The following KLHL13 variants were observed in gnomAD, a reference collection of about 807,000 sequenced individuals.
KLHL13 encodes kelch-like protein 13.
Under a neutral mutation model 37.1 loss-of-function variants are expected in KLHL13, and 10 were observed. The ratio of observed to expected loss-of-function variants is 0.27; its 90% confidence interval spans 0.17 to 0.46. The LOEUF (loss-of-function observed/expected upper bound fraction) is 0.46, where lower values mean the gene tolerates loss of function less well. Among genes scored for constraint, KLHL13 ranks in the 20% least tolerant of loss-of-function variants. The pLI, the probability that KLHL13 is intolerant of heterozygous loss-of-function variation, is 1.00. For synonymous variants in KLHL13, 163 were observed against 181.2 expected, an observed-to-expected ratio of 0.90 and a Z score of 0.81; for missense variants, 360 against 509.3, an observed-to-expected ratio of 0.71 and a Z score of 2.82.
chrX:118,109,634 C>T (rs939496747), intron 1 of KLHL13, among the ~76,000 whole-genome samples: 1 of 112,350 alleles, frequency 8.9e-6, no homozygotes, highest in East Asian at 2.8e-4. Flanking sequence ...GGGAGCACCA[C>T]CTTGTCACCA....
intron 1 of KLHL13, among the ~76,000 whole-genome samples, chrX:118,050,008 T>C (rs1437802654): frequency 1.8e-5 from 2 of 112,714 alleles, no homozygotes; most frequent in Admixed American, 1.9e-4. Flanking sequence ...CCATACACCA[T>C]GCAGTTCCAC....
At chrX:118,079,429 C>A (rs113714517) in intron 1 of KLHL13, among the ~76,000 whole-genome samples, 4,484 of 110,737 alleles carry the variant, frequency 0.04, 229 homozygotes, top group African/African-American at 0.14. Context: ...AACTGATAAA[C>A]CATTTTAGCA....
At chrX:117,904,046 C>T (rs1930334086) in intron 5 of KLHL13, among the ~76,000 whole-genome samples, 1 of 110,021 alleles carries the variant, frequency 9.1e-6, no homozygotes, top group African/African-American at 3.3e-5. Context: ...TTGCATTTTC[C>T]CCTAATAGTG....
In KLHL13 at chrX:117,910,140, G is replaced by A. The variant is rs142744714; in HGVS notation, c.571-44C>T. 1,875 of 947,842 alleles carry A rather than the reference G, an allele frequency of 2.0e-3. 11 individuals carry two copies. The African/African-American group carries it at 0.024, about 12-fold the overall frequency. The allele number at this position is 947,842 out of a possible 1,213,427, so 78.1% of individuals were successfully genotyped here. A position where few individuals can be genotyped will look rare whatever the true frequency, so the allele number is the denominator to read the frequency against. ...AAAATTAAAACATGACTACTTTCAT[G>A]GCAATCACATCTTGATAGCACAAAT... On this transcript the variant is annotated intron_variant, in intron 4 of 6. Coordinates refer to ENST00000262820, the Ensembl canonical transcript of KLHL13.
chrX:118,061,949 T>C (rs1451215897), intron 1 of KLHL13, among the ~76,000 whole-genome samples: 2 of 111,408 alleles, frequency 1.8e-5, no homozygotes, highest in Admixed American at 9.5e-5. Context: ...ATTCATTTGG[T>C]GATTGCCTGT....
At chrX:117,943,887 T>A (rs896590210) in intron 2 of KLHL13, among the ~76,000 whole-genome samples, 3 of 110,673 alleles carry the variant, frequency 2.7e-5, no homozygotes, top group Non-Finnish European at 5.7e-5. Context: ...GGAGTTGTGA[T>A]CCTTTGGAGG....
intron 1 of KLHL13, among the ~76,000 whole-genome samples, chrX:118,062,431 G>A (rs770540432): frequency 9.1e-6 from 1 of 109,610 alleles, no homozygotes; most frequent in African/African-American, 3.3e-5. Flanking sequence ...ATTTTCTGTA[G>A]TTTTCTATAC....
At chrX:118,019,835 C>G (rs1195280969) in intron 1 of KLHL13, among the ~76,000 whole-genome samples, 11 of 102,077 alleles carry the variant, frequency 1.1e-4, no homozygotes, top group South Asian at 8.8e-4. Context: ...GGGCTCTGTT[C>G]TGTTCCATTG....
intron 4 of KLHL13, among the ~76,000 whole-genome samples, chrX:117,912,845 CTGTGAGTAT>C (rs1290456360): frequency 4.5e-5 from 5 of 111,600 alleles, no homozygotes; most frequent in African/African-American, 1.6e-4. Flanking sequence ...AGCTACTATA[CTGTGAGTAT>C]ACAACAAAGG....
intron 1 of KLHL13, among the ~76,000 whole-genome samples, chrX:117,999,803 T>C (rs972406544): frequency 1.8e-5 from 2 of 111,192 alleles, no homozygotes; most frequent in East Asian, 5.6e-4. Flanking sequence ...TGAGGGCCAA[T>C]AAATAAATAA....
intron 1 of KLHL13, among the ~76,000 whole-genome samples, chrX:117,955,710 T>G (rs2053194488): frequency 9.0e-6 from 1 of 111,690 alleles, no homozygotes; most frequent in Non-Finnish European, 1.9e-5. Context: ...AGACTCTAAG[T>G]ATCATTTTTT....
intron 1 of KLHL13, among the ~76,000 whole-genome samples, chrX:118,007,613 G>C (rs1185438674): frequency 9.0e-6 from 1 of 111,428 alleles, no homozygotes; most frequent in East Asian, 2.8e-4. Context: ...GGTCACTAGA[G>C]GATTTTATTC....
intron 1 of KLHL13, among the ~76,000 whole-genome samples, chrX:117,950,868 A>G (rs1933559082): frequency 1.8e-5 from 2 of 112,653 alleles, no homozygotes; most frequent in African/African-American, 6.5e-5. Flanking sequence ...TTCTTGTGAT[A>G]AAGTTGCATG....
chrX:117,987,628 T>C (rs1199121297), intron 1 of KLHL13, among the ~76,000 whole-genome samples: 2 of 112,177 alleles, frequency 1.8e-5, no homozygotes, highest in East Asian at 5.6e-4. Context: ...CTTAGATTTA[T>C]GCAATGATGC....
At chrX:118,112,636 A>G (rs769019727) in intron 1 of KLHL13, among the ~76,000 whole-genome samples, 3 of 112,224 alleles carry the variant, frequency 2.7e-5, no homozygotes, top group Non-Finnish European at 3.8e-5. Context: ...CATATGGGAA[A>G]GTAGGCTGGG....
chrX:117,955,757 C>T (rs138089221), intron 1 of KLHL13, among the ~76,000 whole-genome samples: 1 of 111,472 alleles, frequency 9.0e-6, no homozygotes, highest in East Asian at 2.8e-4. Flanking sequence ...GCATATCTGC[C>T]TCACCATTAA....
At chrX:117,976,292 C>A (rs763407757), upstream of KLHL13, among the ~76,000 whole-genome samples, 52 of 112,068 alleles carry the variant, frequency 4.6e-4, no homozygotes, top group African/African-American at 1.4e-3. Flanking sequence ...TGCCAAAGTC[C>A]TTAAAAATAA....
intron 1 of KLHL13, among the ~76,000 whole-genome samples, chrX:118,091,279 A>T (rs1207966998): frequency 2.7e-5 from 3 of 111,470 alleles, no homozygotes; most frequent in Admixed American, 9.5e-5. Context: ...AAAGTATAAT[A>T]AAAAAAGTAT....
chrX:118,013,324 T>G (rs1395527800), intron 1 of KLHL13, among the ~76,000 whole-genome samples: 1 of 111,623 alleles, frequency 9.0e-6, no homozygotes, highest in Non-Finnish European at 1.9e-5. Flanking sequence ...TAAGTAAAGA[T>G]CTAGACAACA....
Sources: gnomAD v4.1 joint callset for allele counts (sites outside exome capture counted in the v4.1 genomes callset) on GRCh38, gnomAD v4.1.1 for gene constraint, MANE v1.5 for transcripts, NCBI Gene and HGNC (gene_info 2026-07-23, HGNC 2026-07-21) for gene names.